The following TMPRSS11E variants were observed in gnomAD, a reference collection of about 807,000 sequenced individuals.
The protein encoded by TMPRSS11E is transmembrane serine protease 11E, also known as transmembrane protease serine 11E.
Under a neutral mutation model 48.1 loss-of-function variants are expected in TMPRSS11E, and 38 were observed. That is an observed-to-expected ratio of 0.79 (90% CI 0.61 to 1.04). The LOEUF (loss-of-function observed/expected upper bound fraction) is 1.04. TMPRSS11E is among the 50% of genes least tolerant of loss of function. The pLI, the probability that TMPRSS11E is intolerant of heterozygous loss-of-function variation, is 0.00. For synonymous variants in TMPRSS11E, 158 were observed against 171.9 expected, an observed-to-expected ratio of 0.92 and a Z score of 0.63; for missense variants, 530 against 510.8, an observed-to-expected ratio of 1.04 and a Z score of -0.36.
At chr4:68,477,300 T>G in intron 7 of TMPRSS11E, 69 bp from the exon 8 acceptor site, 1 of 1,428,194 alleles carries the variant, frequency 7.0e-7, no homozygotes. Flanking sequence ...TAGACTAAAT[T>G]ATTTAATATA....
Position 68,478,985 on chromosome 4 carries a change from A to G in TMPRSS11E, c.1104A>G (p.Ala368=). The G allele has an allele frequency of 1.2e-6, 2 of 1,613,396 alleles. No homozygotes were observed. The highest frequency in any genetic ancestry group is 2.2e-5 in the South Asian group (2 of 90,952). The part of the protein sequence containing the change: ...CAGSLEGKTD[A]CQGDSGGPLV... ...GCTCCTTAGAAGGAAAAACAGATGCATGCCAGGTAAACAGTTTTGCCCATT... is the reference window on the plus strand; with the variant it reads ...GCTCCTTAGAAGGAAAAACAGATGCGTGCCAGGTAAACAGTTTTGCCCATT... The change falls in exon 9 of 10, where the codon GCA becomes GCG. Residue 368 remains alanine, a synonymous_variant. Transcript: ENST00000305363.
intron 9 of TMPRSS11E, among the ~76,000 whole-genome samples, chr4:68,485,665 A>G (rs1420965812): frequency 6.6e-6 from 1 of 152,124 alleles, no homozygotes; most frequent in African/African-American, 2.4e-5. Flanking sequence ...TGCCTTCATA[A>G]AATGTGTTAG....
chr4:68,463,963 G>A (rs1728861120), intron 2 of TMPRSS11E, among the ~76,000 whole-genome samples: 1 of 152,124 alleles, frequency 6.6e-6, no homozygotes, highest in African/African-American at 2.4e-5. Flanking sequence ...CCCAAGCCAA[G>A]TTTTATAAGA....
Position 68,497,030 on chromosome 4 carries a change from T to C in TMPRSS11E, c.*226T>C, listed in dbSNP as rs1729891684. The C allele has an allele frequency of 2.1e-6, 1 of 471,492 alleles. No homozygotes were observed. Among genetic ancestry groups the C allele is most frequent in the Non-Finnish European group, 3.8e-6 (1 of 265,086 alleles). 29.2% of individuals were successfully genotyped at this position (471,492 alleles called of 1,614,324 possible). A position where few individuals can be genotyped will look rare whatever the true frequency, so the allele number is the denominator to read the frequency against. On this transcript the variant is annotated 3_prime_UTR_variant, in exon 10 of 10. Coordinates refer to ENST00000305363, the MANE Select transcript of TMPRSS11E (RefSeq NM_014058.4). ...CATCTGTGAGCAATAGTTGAAACTT[T>C]ATGTACATAGAGAAATAGATAATAC...
intron 1 of TMPRSS11E, among the ~76,000 whole-genome samples, chr4:68,449,857 C>T (rs527954703): frequency 5.9e-5 from 9 of 151,848 alleles, no homozygotes; most frequent in African/African-American, 2.2e-4. Context: ...TCCCAGTCAC[C>T]TTTCCCTTCA....
chr4:68,454,783 C>G (rs137886030), intron 1 of TMPRSS11E, among the ~76,000 whole-genome samples: 1 of 151,952 alleles, frequency 6.6e-6, no homozygotes, highest in East Asian at 1.9e-4. Context: ...GCCCAACTGT[C>G]ACATTCAGGC....
At position 68,466,692 on chromosome 4, in the gene TMPRSS11E, T is replaced by G. The variant is rs374916740; in HGVS notation, c.198T>G (p.Ala66=). The change falls in exon 3 of 10, where the codon GCT becomes GCG. Residue 66 remains alanine, a synonymous_variant. Coordinates refer to ENST00000305363, the MANE Select transcript of TMPRSS11E (RefSeq NM_014058.4). ...CATTTACAACTGACAAACTATATGC[T>G]GAGTTTGGCAGAGAGGCTTCTAACA... ...TLSFTTDKLY[A]EFGREASNNF... 6.5e-5 allele frequency: 105 copies of G among 1,613,496 alleles called. No individual in the cohort carries two copies. Among genetic ancestry groups the G allele is most frequent in the Non-Finnish European group, 8.6e-5 (102 of 1,179,584 alleles).
rs147055112 is a variant in TMPRSS11E at position 68,472,565 on chromosome 4, T to G, written c.490+942T>G. ...CACAGGTGGCTAGTGGATACAGTAG[T>G]GGATATGGCAGCACTGGAAACTACA... On this transcript the variant is annotated intron_variant, in intron 5 of 9. Coordinates refer to ENST00000305363, the MANE Select transcript of TMPRSS11E (RefSeq NM_014058.4). 4.0e-3 allele frequency among the ~76,000 whole-genome samples: 611 copies of G among 152,118 alleles called. 4 individuals are homozygous for G. Among genetic ancestry groups the G allele is most frequent in the African/African-American group, 0.014 (587 of 41,546 alleles).
chr4:68,471,371 T>G lies in TMPRSS11E; in HGVS notation c.327-89T>G, dbSNP rs914316719. On this transcript the variant is annotated intron_variant, in intron 4 of 9. Coordinates refer to ENST00000305363, the MANE Select transcript of TMPRSS11E (RefSeq NM_014058.4). ...TTTCCTCCCTCCCTCCTTTCTTCACTTCCTCCTTCCCTCCCTCCCTCCCTC... is the reference window on the plus strand; with the variant it reads ...TTTCCTCCCTCCCTCCTTTCTTCACGTCCTCCTTCCCTCCCTCCCTCCCTC... 2.7e-5 allele frequency: 10 copies of G among 368,936 alleles called. No individual in the cohort carries two copies. The Admixed American group carries it at 3.9e-4, about 15-fold the overall frequency. 22.9% of individuals were successfully genotyped at this position (368,936 alleles called of 1,614,324 possible). A position where few individuals can be genotyped will look rare whatever the true frequency, so the allele number is the denominator to read the frequency against.
At chr4:68,470,951 A>G (rs1391863482) in intron 4 of TMPRSS11E, among the ~76,000 whole-genome samples, 3 of 151,836 alleles carry the variant, frequency 2.0e-5, no homozygotes, top group Non-Finnish European at 4.4e-5. Context: ...TCAAAACCAC[A>G]GTTGATTTCA....
At chr4:68,486,637 G>C (rs556069629) in intron 9 of TMPRSS11E, among the ~76,000 whole-genome samples, 3 of 152,164 alleles carry the variant, frequency 2.0e-5, no homozygotes, top group Non-Finnish European at 4.4e-5. Context: ...GTGTTCTATA[G>C]ATATCTCTTA....
intron 4 of TMPRSS11E, among the ~76,000 whole-genome samples, chr4:68,470,255 A>T (rs991306697): frequency 6.6e-6 from 1 of 151,866 alleles, no homozygotes; most frequent in Non-Finnish European, 1.5e-5. Flanking sequence ...AAGCTTGAAG[A>T]CCAATATTTA....
intron 1 of TMPRSS11E, among the ~76,000 whole-genome samples, chr4:68,459,822 A>T (rs1406160650): frequency 1.3e-5 from 2 of 152,150 alleles, no homozygotes; most frequent in East Asian, 1.9e-4. Flanking sequence ...CTCTCCCTGT[A>T]TTCCCCCCAA....
chr4:68,461,725 C>T (rs1170114894), intron 1 of TMPRSS11E, 96 bp from the exon 2 acceptor site: 14 of 1,572,414 alleles, frequency 8.9e-6, no homozygotes, highest in Non-Finnish European at 1.2e-5. Context: ...GACCCTCCAA[C>T]TGAATGTCCT....
chr4:68,451,339 G>A, intron 1 of TMPRSS11E, among the ~76,000 whole-genome samples: 1 of 151,888 alleles, frequency 6.6e-6, no homozygotes, highest in East Asian at 1.9e-4. Context: ...GACTGGACTA[G>A]AGAGAAGGAA....
At chr4:68,462,226 G>C (rs2109674233) in intron 2 of TMPRSS11E, among the ~76,000 whole-genome samples, 2 of 152,160 alleles carry the variant, frequency 1.3e-5, no homozygotes. Context: ...GAAAACTACA[G>C]GATAGCTAGA....
At chr4:68,487,313 T>C (rs2603162) in intron 9 of TMPRSS11E, among the ~76,000 whole-genome samples, 100,011 of 151,290 alleles carry the variant, frequency 0.66, 33,440 homozygotes, top group East Asian at 0.86. Flanking sequence ...AGTGCAAAGG[T>C]GCAATCTGAG....
intron 3 of TMPRSS11E, 76 bp from the exon 4 acceptor site, chr4:68,468,803 T>A: frequency 2.7e-6 from 3 of 1,130,828 alleles, no homozygotes; most frequent in Non-Finnish European, 4.0e-6. Flanking sequence ...TTTAATTTTC[T>A]AAAAAGCTTT....
intron 9 of TMPRSS11E, among the ~76,000 whole-genome samples, chr4:68,491,088 G>T (rs192026507): frequency 1.3e-4 from 19 of 151,934 alleles, no homozygotes; most frequent in African/African-American, 4.6e-4. Context: ...CACCAATCTA[G>T]TAGGGAATTG....
Sources: allele counts gnomAD v4.1 joint callset (sites outside exome capture counted in the v4.1 genomes callset), GRCh38; gene constraint gnomAD v4.1.1; transcripts MANE v1.5; gene names NCBI Gene and HGNC (gene_info 2026-07-23, HGNC 2026-07-21).